A1CF: variants seen among roughly 807,000 people sequenced by gnomAD.
A1CF encodes APOBEC-1 stimulating protein.
A1CF carries 48 observed loss-of-function variants against 68.9 expected under a neutral mutation model. The observed-to-expected ratio is 0.70, with a 90% CI of 0.55 to 0.89. The LOEUF (loss-of-function observed/expected upper bound fraction) is 0.89, where lower values mean the gene tolerates loss of function less well. Ranked by LOEUF, A1CF falls within the 40% of genes least tolerant of loss-of-function variation. The pLI is 0.00. For synonymous variants in A1CF, 272 were observed against 260.4 expected (o/e 1.04, Z -0.43); for missense variants, 653 against 718.9 (o/e 0.91, Z 1.05).
intron 1 of A1CF, among the ~76,000 whole-genome samples, chr10:50,873,586 A>C (rs568404872): frequency 6.6e-6 from 1 of 152,248 alleles, no homozygotes; most frequent in African/African-American, 2.4e-5. Flanking sequence ...TGGCTAAAGA[A>C]GTTTCTGAAT....
intron 3 of A1CF, among the ~76,000 whole-genome samples, chr10:50,852,569 T>C (rs1279620473): frequency 6.6e-6 from 1 of 152,148 alleles, no homozygotes; most frequent in Non-Finnish European, 1.5e-5. Context: ...TTTAAAGAAT[T>C]GGTATCCGTG....
At chr10:50,855,667 C>T (rs994679252) in intron 3 of A1CF, among the ~76,000 whole-genome samples, 5 of 151,930 alleles carry the variant, frequency 3.3e-5, no homozygotes, top group African/African-American at 1.2e-4. Context: ...TATTAAGTAA[C>T]TCACAAAATT....
At chr10:50,855,853 T>G (rs1437042703) in intron 3 of A1CF, among the ~76,000 whole-genome samples, 1 of 152,034 alleles carries the variant, frequency 6.6e-6, no homozygotes, top group African/African-American at 2.4e-5. Flanking sequence ...TATCATTTTA[T>G]GGGTATGCTG....
intron 8 of A1CF, among the ~76,000 whole-genome samples, chr10:50,818,244 G>C (rs921001788): frequency 6.6e-6 from 1 of 151,904 alleles, no homozygotes; most frequent in Non-Finnish European, 1.5e-5. Flanking sequence ...GTTCTTACTA[G>C]GCTAATTTTC....
Position 50,843,984 on chromosome 10 carries a change from TC to T in A1CF, c.234+3del. 6.2e-7 allele frequency: 1 copy of T among 1,612,420 alleles called. No individual in the cohort carries two copies. The highest frequency in any genetic ancestry group is 8.5e-7 in the Non-Finnish European group (1 of 1,179,390). On this transcript the variant is annotated splice_donor_region_variant and intron_variant, in intron 4 of 12. Coordinates refer to ENST00000373997, the MANE Select transcript of A1CF (RefSeq NM_014576.4). ...GAAAAATTAAATGTTAAATTTGGAC[TC>T]ACTTTTTCACATAATGGTATAAGCT...
In A1CF at chr10:50,852,882, C is replaced by T. The variant is rs79909777; in HGVS notation, c.99+6960G>A. ...TTGAGGAACATTCAATTAAAATTAC[C>T]TAAGTACATTATCTCAAACCGGAAA... On this transcript the variant is annotated intron_variant, in intron 3 of 12. Transcript: ENST00000373997. 6.8e-3 allele frequency among the ~76,000 whole-genome samples: 1,036 copies of T among 152,146 alleles called. 10 individuals are homozygous for T. The highest frequency in any genetic ancestry group is 0.023 in the African/African-American group (967 of 41,514).
chr10:50,802,050 T>C lies in A1CF; in HGVS notation c.*4679A>G, dbSNP rs1837621376. 1 of 152,164 alleles carries C rather than the reference T, an allele frequency of 6.6e-6. No homozygotes were observed. The highest frequency in any genetic ancestry group is 2.4e-5 in the African/African-American group (1 of 41,440). The allele number at this position is 152,164 out of a possible 1,614,324, so 9.4% of individuals were successfully genotyped here. On this transcript the variant is annotated 3_prime_UTR_variant, in exon 13 of 13. Transcript: ENST00000373997. ...GTTGGACATTTGGAGGGCAATAGAG[T>C]ATTCTGTACCCATTTTTCCTTTAAT...
In A1CF at chr10:50,881,913, T is replaced by G. The variant is rs144972342; in HGVS notation, c.-94+3668A>C. Among the ~76,000 whole-genome samples the G allele has an allele frequency of 2.0e-3, 299 of 152,374 alleles. 1 individual carries two copies. Among genetic ancestry groups the G allele is most frequent in the African/African-American group, 6.9e-3 (285 of 41,586 alleles). On this transcript the variant is annotated intron_variant, in intron 1 of 12. Transcript: ENST00000373997. ...ACTTGGAAAATGTTCTCCATGTGAT[T>G]GTTAATACATATATGCATAAAACTC...
At position 50,801,167 on chromosome 10, in the gene A1CF, A is replaced by G. The variant is rs1837585233; in HGVS notation, c.*5562T>C. On this transcript the variant is annotated 3_prime_UTR_variant, in exon 13 of 13. Coordinates refer to ENST00000373997, the MANE Select transcript of A1CF (RefSeq NM_014576.4). ...GCCCAGGGGTTATGAGAGGAAAACT[A>G]GGACCAAAAATAGGCTGGGTAGAGA... 6.6e-6 allele frequency: 1 copy of G among 152,232 alleles called. No homozygotes were observed. Among genetic ancestry groups the G allele is most frequent in the South Asian group, 2.1e-4 (1 of 4,820 alleles). The allele number at this position is 152,232 out of a possible 1,614,324, so 9.4% of individuals were successfully genotyped here.
In A1CF at chr10:50,828,160, A is replaced by T; in HGVS notation, c.740T>A (p.Ile247Asn). Residue 247 changes from isoleucine to asparagine, a missense_variant, in exon 7 of 13, where the codon ATT (isoleucine) becomes AAT (asparagine). Coordinates refer to ENST00000373997, the MANE Select transcript of A1CF (RefSeq NM_014576.4). ...TTTGATATTGTTGAATTCCTTTTCA[A>T]TCATCTCTTCAGAGGTAGACAGCAT... Reference protein sequence around the residue: ...NLMLSTSEEMIEKEFNNIKPG... With the variant: ...NLMLSTSEEMNEKEFNNIKPG... The T allele has an allele frequency of 6.3e-7, 1 of 1,590,264 alleles. No homozygotes were observed. The highest frequency in any genetic ancestry group is 8.6e-7 in the Non-Finnish European group (1 of 1,164,244).
chr10:50,858,356 T>C (rs1840583865), intron 3 of A1CF, among the ~76,000 whole-genome samples: 1 of 152,132 alleles, frequency 6.6e-6, no homozygotes, highest in African/African-American at 2.4e-5. Flanking sequence ...TGAAATGTAA[T>C]TGATAATTTA....
chr10:50,865,611 C>A (rs1840953468), intron 1 of A1CF, among the ~76,000 whole-genome samples: 1 of 152,222 alleles, frequency 6.6e-6, no homozygotes. Context: ...CTTCCAGTGT[C>A]ATTCACATGC....
intron 3 of A1CF, among the ~76,000 whole-genome samples, chr10:50,844,656 C>T (rs1414129019): frequency 6.6e-6 from 1 of 152,104 alleles, no homozygotes; most frequent in Non-Finnish European, 1.5e-5. Context: ...CTAACTTCTA[C>T]AACTAATATT....
chr10:50,831,989 A>G (rs1839268359), intron 6 of A1CF, among the ~76,000 whole-genome samples: 1 of 152,178 alleles, frequency 6.6e-6, no homozygotes, highest in South Asian at 2.1e-4. Flanking sequence ...TAGAGCCATT[A>G]TGGAAAACAG....
Position 50,850,832 on chromosome 10 carries a change from G to A in A1CF, c.100-6710C>T, listed in dbSNP as rs537152492. ...CCTTTCAAGAAGTAATTAGGTGACAGCTTTAGTCATTCCTTAATCCGTTTG... is the reference window on the plus strand; with the variant it reads ...CCTTTCAAGAAGTAATTAGGTGACAACTTTAGTCATTCCTTAATCCGTTTG... On this transcript the variant is annotated intron_variant, in intron 3 of 12. Transcript: ENST00000373997. The A allele has an allele frequency of 5.8e-5, 92 of 1,591,932 alleles. 1 individual carries two copies. In the South Asian group the frequency reaches 9.7e-4, roughly 17 times the overall value.
intron 1 of A1CF, among the ~76,000 whole-genome samples, chr10:50,867,439 A>T (rs1322337511): frequency 6.6e-6 from 1 of 152,218 alleles, no homozygotes; most frequent in Non-Finnish European, 1.5e-5. Context: ...AGTCAGACAC[A>T]GAAAAACAAA....
intron 1 of A1CF, among the ~76,000 whole-genome samples, chr10:50,870,310 T>C (rs1272822607): frequency 6.6e-6 from 1 of 151,672 alleles, no homozygotes; most frequent in Non-Finnish European, 1.5e-5. Flanking sequence ...CAAAAAGAAA[T>C]TGGAAGGAAT....
chr10:50,842,000 TAATAGA>T lies in A1CF; in HGVS notation c.235-14_235-9del, dbSNP rs758919954. 1.1e-5 allele frequency: 17 copies of T among 1,601,478 alleles called. No homozygotes were observed. The highest frequency in any genetic ancestry group is 1.3e-5 in the African/African-American group (1 of 74,462). Reference sequence around the variant, plus strand: ...TTCATAAATTTTACCGATCTGCAAGTAATAGAAATAGAACATTTATATTTATACGTT... The same window carrying T: ...TTCATAAATTTTACCGATCTGCAAGTAATAGAACATTTATATTTATACGTT... On this transcript the variant is annotated splice_polypyrimidine_tract_variant and intron_variant, in intron 4 of 12. Coordinates refer to ENST00000373997, the MANE Select transcript of A1CF (RefSeq NM_014576.4).
intron 10 of A1CF, 96 bp downstream of exon 10, chr10:50,813,761 T>C (rs901714270): frequency 1.3e-5 from 17 of 1,314,812 alleles, no homozygotes; most frequent in Non-Finnish European, 1.8e-5. Context: ...AAAAAACCCA[T>C]AGCTTGAGTA....
Sources: allele counts gnomAD v4.1 joint callset (sites outside exome capture counted in the v4.1 genomes callset), GRCh38; gene constraint gnomAD v4.1.1; transcripts MANE v1.5; gene names NCBI Gene and HGNC (gene_info 2026-07-23, HGNC 2026-07-21).